The following ARHGAP24 variants were observed in gnomAD, a reference collection of about 807,000 sequenced individuals.
ARHGAP24 encodes the protein Rho GTPase activating protein 24.
Under a neutral mutation model 76.4 loss-of-function variants are expected in ARHGAP24, and 50 were observed. The observed-to-expected ratio is 0.65, with a 90% confidence interval of 0.52 to 0.83. The LOEUF is 0.83. ARHGAP24 is among the 40% of genes least tolerant of loss of function. The probability of loss-of-function intolerance (pLI) is 0.00; values close to 1 mark genes in which losing one functional copy is unlikely to be tolerated. For missense variants in ARHGAP24, 930 were observed against 914.2 expected, an observed-to-expected ratio of 1.02 and a Z score of -0.22; for synonymous variants, 345 against 323.3, an observed-to-expected ratio of 1.07 and a Z score of -0.72.
chr4:85,862,855 C>A (rs951833878), intron 3 of ARHGAP24, among the ~76,000 whole-genome samples: 7 of 152,134 alleles, frequency 4.6e-5, no homozygotes, highest in Non-Finnish European at 8.8e-5. Context: ...TATTTCACAT[C>A]TTCCTACTTT....
chr4:85,840,472 G>C (rs909272448), intron 3 of ARHGAP24, among the ~76,000 whole-genome samples: 1 of 152,154 alleles, frequency 6.6e-6, no homozygotes, highest in Non-Finnish European at 1.5e-5. Context: ...GTGGTCTTAC[G>C]AGCCCAGCAT....
chr4:85,580,075 AC>A (rs1261668234), intron 2 of ARHGAP24, among the ~76,000 whole-genome samples: 1 of 151,894 alleles, frequency 6.6e-6, no homozygotes, highest in Non-Finnish European at 1.5e-5. Flanking sequence ...CTCAAGCCTC[AC>A]ACTTGGTTTA....
chr4:85,759,673 G>A (rs1359819968), intron 3 of ARHGAP24, among the ~76,000 whole-genome samples: 3 of 152,114 alleles, frequency 2.0e-5, no homozygotes, highest in Non-Finnish European at 2.9e-5. Flanking sequence ...GAAAGTAGGC[G>A]AAATTGTCCA....
chr4:85,955,503 T>A (rs536164594), intron 5 of ARHGAP24, among the ~76,000 whole-genome samples: 57 of 152,348 alleles, frequency 3.7e-4, no homozygotes, highest in Non-Finnish European at 6.9e-4. Flanking sequence ...ATCTGTTTCA[T>A]GCCTGTCTCT....
In ARHGAP24 at chr4:85,839,362, G is replaced by A. The variant is rs1286601349; in HGVS notation, c.269-84286G>A. Among the ~76,000 whole-genome samples the A allele has an allele frequency of 3.3e-5, 5 of 152,222 alleles. No individual in the cohort carries two copies. The East Asian group carries it at 9.6e-4, about 29-fold the overall frequency. On this transcript the variant is annotated intron_variant, in intron 3 of 9. Transcript: ENST00000395184. ...TTATTAACACTGATCATCCAAACTT[G>A]AATTCTTAATAACTGTTTATGTTCA... is the stretch of plus-strand genomic sequence containing the variant.
intron 3 of ARHGAP24, among the ~76,000 whole-genome samples, chr4:85,811,930 G>A (rs888528103): frequency 6.6e-6 from 1 of 152,184 alleles, no homozygotes; most frequent in African/African-American, 2.4e-5. Context: ...AATCCCAGCA[G>A]GTTGGGAGGT....
chr4:85,681,000 C>G (rs2110009801), intron 2 of ARHGAP24, among the ~76,000 whole-genome samples: 1 of 152,030 alleles, frequency 6.6e-6, no homozygotes, highest in Non-Finnish European at 1.5e-5. Context: ...TAAAGGACAG[C>G]CCTGGAATCC....
At chr4:85,535,496 C>T (rs942990843) in intron 1 of ARHGAP24, among the ~76,000 whole-genome samples, 2 of 152,152 alleles carry the variant, frequency 1.3e-5, no homozygotes, top group African/African-American at 4.8e-5. Flanking sequence ...CCCAGGTCAT[C>T]CCATTTGTCA....
chr4:85,948,128 T>C (rs899099232), intron 5 of ARHGAP24, among the ~76,000 whole-genome samples: 1 of 152,164 alleles, frequency 6.6e-6, no homozygotes, highest in Non-Finnish European at 1.5e-5. Flanking sequence ...ACATCTCTTA[T>C]TCTTATTACA....
intron 2 of ARHGAP24, among the ~76,000 whole-genome samples, chr4:85,644,431 AC>A (rs1721643992): frequency 1.3e-5 from 2 of 152,188 alleles, no homozygotes; most frequent in African/African-American, 4.8e-5. Flanking sequence ...AAAGAGTAAT[AC>A]CATATTACAT....
chr4:85,767,705 T>C (rs770542101), intron 3 of ARHGAP24, among the ~76,000 whole-genome samples: 9 of 152,194 alleles, frequency 5.9e-5, no homozygotes, highest in Admixed American at 1.3e-4. Context: ...ATTATAGTCA[T>C]GGTAGAACAG....
chr4:85,955,420 A>C (rs1560743664), intron 5 of ARHGAP24, among the ~76,000 whole-genome samples: 1 of 152,118 alleles, frequency 6.6e-6, no homozygotes, highest in Non-Finnish European at 1.5e-5. Flanking sequence ...TTATTATCTC[A>C]TATTTCTGGA....
chr4:85,489,557 ACTCTTCAT>A (rs1189016778), intron 1 of ARHGAP24, among the ~76,000 whole-genome samples: 1 of 151,996 alleles, frequency 6.6e-6, no homozygotes, highest in East Asian at 1.9e-4. Context: ...GGTGAGACAG[ACTCTTCAT>A]CTGGAGCAAG....
At chr4:85,916,712 G>A (rs1298191225) in intron 3 of ARHGAP24, among the ~76,000 whole-genome samples, 1 of 152,132 alleles carries the variant, frequency 6.6e-6, no homozygotes, top group East Asian at 1.9e-4. Flanking sequence ...CAGCATCTGA[G>A]TATTCACTGA....
At chr4:85,784,901 A>G (rs970583699) in intron 3 of ARHGAP24, among the ~76,000 whole-genome samples, 2 of 147,794 alleles carry the variant, frequency 1.4e-5, no homozygotes. Context: ...AGATGATTAT[A>G]TATCTCTATC....
intron 2 of ARHGAP24, among the ~76,000 whole-genome samples, chr4:85,599,122 A>G (rs988217415): frequency 1.3e-5 from 2 of 152,134 alleles, no homozygotes; most frequent in African/African-American, 2.4e-5. Flanking sequence ...TGAACAACAC[A>G]AGTCTAAATG....
chr4:85,733,669 G>C (rs1725502153), intron 3 of ARHGAP24, among the ~76,000 whole-genome samples: 1 of 152,028 alleles, frequency 6.6e-6, no homozygotes, highest in Non-Finnish European at 1.5e-5. Context: ...CAGCTGGGTT[G>C]GTTTCTTCTG....
chr4:85,627,772 C>T (rs926036143), intron 2 of ARHGAP24, among the ~76,000 whole-genome samples: 5 of 152,016 alleles, frequency 3.3e-5, no homozygotes, highest in Non-Finnish European at 5.9e-5. Context: ...CTAACTGGGC[C>T]ATGGCAGGTG....
At chr4:85,827,765 C>G (rs1729792326) in intron 3 of ARHGAP24, 4 of 422,808 alleles carry the variant, frequency 9.5e-6, no homozygotes. Flanking sequence ...AGCTCAGTAG[C>G]TGGGGAGCCC....
Sources: gnomAD v4.1 joint callset for allele counts (sites outside exome capture counted in the v4.1 genomes callset) on GRCh38, gnomAD v4.1.1 for gene constraint, MANE v1.5 for transcripts, NCBI Gene and HGNC (gene_info 2026-07-23, HGNC 2026-07-21) for gene names.